Variants in HMCN2 observed in about 807,000 individuals in gnomAD.
The protein encoded by HMCN2 is hemicentin 2.
HMCN2 carries 325 observed loss-of-function variants against 377.5 expected under a neutral mutation model. The observed-to-expected ratio is 0.86, with a 90% CI of 0.79 to 0.94. HMCN2 has a LOEUF of 0.94. Among genes scored for constraint, HMCN2 ranks in the 40% least tolerant of loss-of-function variants. The pLI is 0.00. For synonymous variants in HMCN2, 2,007 were observed against 2,046.8 expected (o/e 0.98, Z 0.53); for missense variants, 4,543 against 4,725.3 (o/e 0.96, Z 1.13).
At chr9:130,292,505 G>A (rs1835837933) in intron 4 of HMCN2, among the ~76,000 whole-genome samples, 1 of 152,204 alleles carries the variant, frequency 6.6e-6, no homozygotes, top group Admixed American at 6.5e-5. Flanking sequence ...TACAATTTCT[G>A]TCGAAAAGGC....
chr9:130,324,411 G>A (rs1231857788), intron 19 of HMCN2, among the ~76,000 whole-genome samples: 5 of 152,110 alleles, frequency 3.3e-5, no homozygotes, highest in South Asian at 2.1e-4. Flanking sequence ...AAAACTCAGC[G>A]GAAGGTACAG....
intron 1 of HMCN2, among the ~76,000 whole-genome samples, chr9:130,269,001 G>A (rs1834268934): frequency 6.7e-6 from 1 of 148,814 alleles, no homozygotes; most frequent in East Asian, 1.9e-4. Context: ...ATCCCCTTTG[G>A]TGGAAGAGGA....
At chr9:130,317,842 T>C (rs1234142124) in intron 15 of HMCN2, among the ~76,000 whole-genome samples, 1 of 151,348 alleles carries the variant, frequency 6.6e-6, no homozygotes, top group Non-Finnish European at 1.5e-5. Context: ...AAAGCAGCGC[T>C]GTTTGGGGCT....
At chr9:130,409,849 C>T (rs571731466) in intron 84 of HMCN2, among the ~76,000 whole-genome samples, 1 of 152,318 alleles carries the variant, frequency 6.6e-6, no homozygotes, top group African/African-American at 2.4e-5. Context: ...TGCTATCCCC[C>T]CCAGTCCCTT....
At chr9:130,410,492 C>G in intron 84 of HMCN2, 79 bp from the exon 85 acceptor site, 1 of 1,370,830 alleles carries the variant, frequency 7.3e-7, no homozygotes, top group Non-Finnish European at 1.0e-6. Flanking sequence ...GCTGGCTGCC[C>G]TCAGTCCCCT....
In HMCN2 at chr9:130,375,738, T is replaced by G. The variant is rs922643861; in HGVS notation, c.7804+2T>G. The G allele has an allele frequency of 2.0e-6, 2 of 985,586 alleles. No individual in the cohort carries two copies. Among genetic ancestry groups the G allele is most frequent in the Non-Finnish European group, 2.4e-6 (2 of 829,900 alleles). The allele number at this position is 985,586 out of a possible 1,614,324, so 61.1% of individuals were successfully genotyped here. A position where few individuals can be genotyped will look rare whatever the true frequency, so the allele number is the denominator to read the frequency against. ...CCAGGAACATCCAGCTGCTCCCAGG[T>G]GACGCCCTCTGGGGGGAAAGGAGGG... is the stretch of plus-strand genomic sequence containing the variant. On this transcript the variant is annotated splice_donor_variant, in intron 50 of 97. Coordinates refer to ENST00000683500, the MANE Select transcript of HMCN2 (RefSeq NM_001291815.2). LOFTEE classifies it high-confidence loss of function.
At position 130,360,717 on chromosome 9, in the gene HMCN2, C is replaced by G; in HGVS notation, c.5950+113C>G. ...CTCATCCATCCATCTACCACCCCAT[C>G]CATCCGTTACCCCATCCATCCATCA... On this transcript the variant is annotated intron_variant, in intron 38 of 97. Transcript: ENST00000683500. The surrounding 1 kb of genome is among the most constrained non-coding windows in gnomAD (Gnocchi z 4.7). 2.2e-6 allele frequency: 1 copy of G among 459,780 alleles called. No homozygotes were observed. Among genetic ancestry groups the G allele is most frequent in the Non-Finnish European group, 3.6e-6 (1 of 276,216 alleles). 28.5% of individuals were successfully genotyped at this position (459,780 alleles called of 1,614,324 possible).
At chr9:130,349,261 AC>A (rs1355855092) in intron 28 of HMCN2, 130 bp downstream of exon 28, 5 of 952,092 alleles carry the variant, frequency 5.3e-6, no homozygotes, top group Non-Finnish European at 7.0e-6. Flanking sequence ...CCCATGACAG[AC>A]CCAACCCCCA....
intron 30 of HMCN2, among the ~76,000 whole-genome samples, chr9:130,352,648 A>G (rs1588290922): frequency 1.3e-5 from 2 of 152,040 alleles, no homozygotes; most frequent in Admixed American, 6.6e-5. Context: ...GAAGTGGCTC[A>G]CCCCTGGTCT....
rs148355972 is a variant in HMCN2, at chr9:130,425,761, C to A, written c.13716C>A (p.Gly4572=). ...GCTCCACACAGCGCTTCTTCCAGGG[C>A]GGCCTCCCCTCGTTCCTACGCTGCA... ...FVGSTQRFFQ[G]GLPSFLRCNH... is the part of the protein sequence containing the mutation. The change falls in exon 90 of 98, where the codon GGC becomes GGA. Residue 4572 remains glycine, a synonymous_variant. Coordinates refer to ENST00000683500, the MANE Select transcript of HMCN2 (RefSeq NM_001291815.2). 1.7e-5 allele frequency: 26 copies of A among 1,550,374 alleles called. 1 individual carries two copies. In the South Asian group the frequency reaches 2.9e-4, roughly 17 times the overall value.
intron 22 of HMCN2, among the ~76,000 whole-genome samples, chr9:130,328,376 C>T (rs1054325452): frequency 2.0e-5 from 3 of 152,182 alleles, no homozygotes; most frequent in Non-Finnish European, 4.4e-5. Context: ...CCTAGCTCCG[C>T]GGCTGGGTGG....
intron 86 of HMCN2, among the ~76,000 whole-genome samples, chr9:130,420,223 C>T (rs187471673): frequency 8.9e-4 from 135 of 152,064 alleles, no homozygotes; most frequent in African/African-American, 3.0e-3. Context: ...TACAGGCACC[C>T]GCCACCATGC....
At chr9:130,373,743 GGATA>G (rs1336077507) in intron 48 of HMCN2, among the ~76,000 whole-genome samples, 27 of 146,020 alleles carry the variant, frequency 1.8e-4, no homozygotes, top group African/African-American at 1.7e-4. Flanking sequence ...GTAGGTGGAT[GGATA>G]GATGGATAGG....
chr9:130,359,932 A>G (rs756913723), intron 37 of HMCN2, among the ~76,000 whole-genome samples: 1 of 152,122 alleles, frequency 6.6e-6, no homozygotes, highest in Non-Finnish European at 1.5e-5. Context: ...TTCCGGGGAC[A>G]TGTCCCGGCA....
At position 130,284,668 on chromosome 9, in the gene HMCN2, G is replaced by A. The variant is rs1001455138; in HGVS notation, c.325G>A (p.Val109Met). 6.6e-5 allele frequency: 31 copies of A among 471,002 alleles called. No homozygotes were observed. The highest frequency in any genetic ancestry group is 1.1e-4 in the Non-Finnish European group (24 of 227,054). The allele number at this position is 471,002 out of a possible 1,614,324, so 29.2% of individuals were successfully genotyped here. A position where few individuals can be genotyped will look rare whatever the true frequency, so the allele number is the denominator to read the frequency against. Residue 109 changes from valine (V) to methionine (M), a missense_variant, in exon 2 of 98, where the codon GTG becomes ATG. Around this residue, in one of 5 missense-constraint regions of HMCN2, gnomAD observed 547 missense variants for 189.9 expected, o/e 2.88. Coordinates refer to ENST00000683500, the MANE Select transcript of HMCN2 (RefSeq NM_001291815.2). ...TCAGAGGGAGCTGAGAGAACTCTAC[G>A]TGCAGGTGGGCAGCCCCTGACCCTC... ...VFQRELRELY[V>M]QGGGDCPEMS...
chr9:130,424,233 C>T (rs533393121), intron 87 of HMCN2, among the ~76,000 whole-genome samples: 531 of 149,702 alleles, frequency 3.5e-3, no homozygotes, highest in Non-Finnish European at 5.5e-3. Context: ...GGCTAGAGTG[C>T]AGTGGCATGA....
intron 54 of HMCN2, among the ~76,000 whole-genome samples, chr9:130,380,817 C>T (rs1419039584): frequency 6.6e-6 from 1 of 151,654 alleles, no homozygotes; most frequent in East Asian, 1.9e-4. Flanking sequence ...AAGAAGGAGG[C>T]CTCTTGCAGA....
At chr9:130,398,121 C>T (rs964379291) in intron 74 of HMCN2, among the ~76,000 whole-genome samples, 2 of 133,440 alleles carry the variant, frequency 1.5e-5, no homozygotes, top group Admixed American at 9.5e-5. Context: ...CCACTGCACT[C>T]CAGCCTGGGT....
intron 42 of HMCN2, 62 bp downstream of exon 42, chr9:130,365,789 C>T: frequency 1.0e-6 from 1 of 979,050 alleles, no homozygotes; most frequent in African/African-American, 1.7e-5. Flanking sequence ...TCCCAGGACA[C>T]AGCCCTCCTC....
Sources: gnomAD v4.1 joint callset for allele counts (sites outside exome capture counted in the v4.1 genomes callset) on GRCh38, gnomAD v4.1.1 for gene constraint, gnomAD v4.1.1 regional missense constraint, Gnocchi (gnomAD v3.1) non-coding constraint, MANE v1.5 for transcripts, NCBI Gene and HGNC (gene_info 2026-07-23, HGNC 2026-07-21) for gene names.